RFX4: variants seen among roughly 807,000 people sequenced by gnomAD.
The protein encoded by RFX4 is transcription factor RFX4.
A neutral mutation model predicts 95.0 loss-of-function variants in RFX4; 10 were observed. The observed-to-expected ratio is 0.11, with a 90% CI of 0.06 to 0.18. RFX4 has a LOEUF of 0.18. Among genes scored for constraint, RFX4 ranks in the 10% least tolerant of loss-of-function variants. RFX4 has a pLI of 1.00. For missense variants in RFX4, 640 were observed against 922.0 expected (o/e 0.69, Z 3.96); for synonymous variants, 321 against 340.7 (o/e 0.94, Z 0.64).
chr12:106,715,709 G>A, intron 11 of RFX4, 165 bp downstream of exon 11: 1 of 763,276 alleles, frequency 1.3e-6, no homozygotes, highest in African/African-American at 1.8e-5. Context: ...AGAAGGAAGG[G>A]CTGATTGACT....
intron 15 of RFX4, among the ~76,000 whole-genome samples, chr12:106,742,917 T>G (rs1207975536): frequency 1.3e-5 from 2 of 152,260 alleles, no homozygotes; most frequent in Non-Finnish European, 2.9e-5. Flanking sequence ...ATTAATTCAT[T>G]TATTTGACAA....
intron 17 of RFX4, among the ~76,000 whole-genome samples, chr12:106,755,722 C>T (rs536539634): frequency 1.3e-5 from 2 of 152,312 alleles, no homozygotes; most frequent in South Asian, 4.1e-4. Flanking sequence ...CTTTCCAGAG[C>T]AGGGGTCAAG....
At chr12:106,727,342 T>C (rs2042521513) in intron 13 of RFX4, among the ~76,000 whole-genome samples, 1 of 152,142 alleles carries the variant, frequency 6.6e-6, no homozygotes, top group South Asian at 2.1e-4. Context: ...ATTTAATATC[T>C]TAAAGGGCAT....
At chr12:106,680,227 C>A (rs548572332) in intron 4 of RFX4, among the ~76,000 whole-genome samples, 1 of 152,138 alleles carries the variant, frequency 6.6e-6, no homozygotes, top group South Asian at 2.1e-4. Context: ...TGAAATGCTG[C>A]GGCATCCATT....
chr12:106,731,304 A>C (rs1324618983), intron 13 of RFX4, among the ~76,000 whole-genome samples: 1 of 152,214 alleles, frequency 6.6e-6, no homozygotes, highest in African/African-American at 2.4e-5. Flanking sequence ...GTTTTGAAAT[A>C]ATGTATTATC....
chr12:106,641,846 A>G (rs1301047830), intron 3 of RFX4, among the ~76,000 whole-genome samples: 1 of 152,172 alleles, frequency 6.6e-6, no homozygotes, highest in African/African-American at 2.4e-5. Context: ...GGTATTTGCT[A>G]GCTCCTTGTT....
At chr12:106,724,126 G>A (rs1416985522) in intron 13 of RFX4, among the ~76,000 whole-genome samples, 1 of 152,208 alleles carries the variant, frequency 6.6e-6, no homozygotes, top group African/African-American at 2.4e-5. Context: ...AGGAAGCTGA[G>A]GTAGTACTTG....
chr12:106,687,194 A>T (rs879792365), intron 6 of RFX4, 97 bp downstream of exon 6: 23,689 of 588,540 alleles, frequency 0.04, 372 homozygotes, highest in East Asian at 0.24. Context: ...ACACACACAC[A>T]CACACACACA....
At chr12:106,668,712 A>G (rs1242682791) in intron 4 of RFX4, among the ~76,000 whole-genome samples, 1 of 152,240 alleles carries the variant, frequency 6.6e-6, no homozygotes, top group Non-Finnish European at 1.5e-5. Context: ...TCACACATCC[A>G]TGCATCCTTG....
chr12:106,725,653 G>T (rs527676439), intron 13 of RFX4, among the ~76,000 whole-genome samples: 1 of 151,874 alleles, frequency 6.6e-6, no homozygotes, highest in Non-Finnish European at 1.5e-5. Context: ...ATTACTAAAA[G>T]AACACAATCA....
intron 1 of RFX4, among the ~76,000 whole-genome samples, chr12:106,606,120 C>T (rs533663815): frequency 6.6e-6 from 1 of 152,294 alleles, no homozygotes; most frequent in East Asian, 1.9e-4. Flanking sequence ...CAGAGAATGT[C>T]CCATCAATCA....
chr12:106,583,415 G>A (rs770957084), intron 1 of RFX4, 52 bp downstream of exon 1: 1 of 1,497,338 alleles, frequency 6.7e-7, no homozygotes, highest in Non-Finnish European at 8.9e-7. Context: ...AAGGAGAAGG[G>A]AGAGGGGGAA....
chr12:106,620,129 G>A (rs954225777), intron 2 of RFX4, among the ~76,000 whole-genome samples: 5 of 152,006 alleles, frequency 3.3e-5, no homozygotes, highest in Admixed American at 6.6e-5. Flanking sequence ...TGGATTTCAG[G>A]TATTTTTGGT....
intron 17 of RFX4, 89 bp downstream of exon 17, chr12:106,750,882 T>C: frequency 8.4e-7 from 1 of 1,194,398 alleles, no homozygotes; most frequent in Non-Finnish European, 1.1e-6. Context: ...TTATGCATAC[T>C]GTGTGTGCAG....
At chr12:106,599,168 T>A (rs2039662448) in intron 1 of RFX4, among the ~76,000 whole-genome samples, 1 of 150,714 alleles carries the variant, frequency 6.6e-6, no homozygotes, top group South Asian at 2.1e-4. Context: ...TCGTTCTTTT[T>A]TTTTTCCTCC....
chr12:106,623,680 C>A (rs1235858254), intron 2 of RFX4, among the ~76,000 whole-genome samples: 2 of 152,144 alleles, frequency 1.3e-5, no homozygotes, highest in Non-Finnish European at 2.9e-5. Flanking sequence ...AGCTACTCAG[C>A]AGGCTGAGTT....
In RFX4 at chr12:106,720,103, A is replaced by T; in HGVS notation, c.1233+49A>T. The T allele has an allele frequency of 6.8e-7, 1 of 1,478,500 alleles. No homozygotes were observed. The highest frequency in any genetic ancestry group is 9.5e-7 in the Non-Finnish European group (1 of 1,057,584). 91.6% of individuals were successfully genotyped at this position (1,478,500 alleles called of 1,614,324 possible). The stretch of plus-strand genomic sequence containing the variant: ...GCAGCCTTGGGCCCTGCAGCCCACC[A>T]CTGCCCTCTGTGAACTTGGCCAAGA... On this transcript the variant is annotated intron_variant, in intron 12 of 17. Coordinates refer to ENST00000392842, the MANE Select transcript of RFX4 (RefSeq NM_213594.3). The surrounding 1 kb of genome is among the most constrained non-coding windows in gnomAD (Gnocchi z 4.2).
intron 15 of RFX4, among the ~76,000 whole-genome samples, chr12:106,737,766 T>C (rs2042738980): frequency 6.6e-6 from 1 of 152,214 alleles, no homozygotes; most frequent in Non-Finnish European, 1.5e-5. Context: ...ATAAATGGCA[T>C]TAGATCAAGC....
At chr12:106,607,792 G>A (rs948517807) in intron 1 of RFX4, among the ~76,000 whole-genome samples, 8 of 152,060 alleles carry the variant, frequency 5.3e-5, no homozygotes, top group Non-Finnish European at 7.3e-5. Flanking sequence ...AATGAATGGT[G>A]GGTGGTCTAG....
Sources: gnomAD v4.1 joint callset for allele counts (sites outside exome capture counted in the v4.1 genomes callset) on GRCh38, gnomAD v4.1.1 for gene constraint, Gnocchi (gnomAD v3.1) non-coding constraint, MANE v1.5 for transcripts, NCBI Gene and HGNC (gene_info 2026-07-23, HGNC 2026-07-21) for gene names.